SNX30: variants seen among roughly 807,000 people sequenced by gnomAD.
SNX30 encodes the protein sorting nexin family member 30.
In SNX30, 24 loss-of-function variants were observed where a neutral mutation model predicts 46.4. That is an observed-to-expected ratio of 0.52 (90% CI 0.37 to 0.73). SNX30 has a LOEUF of 0.73. SNX30 is among the 30% of genes least tolerant of loss of function. The pLI is 0.00. For synonymous variants in SNX30, 189 were observed against 211.5 expected (o/e 0.89, Z 0.92); for missense variants, 533 against 555.7 (o/e 0.96, Z 0.41).
intron 7 of SNX30, among the ~76,000 whole-genome samples, chr9:112,863,120 G>A (rs1841263290): frequency 1.3e-5 from 2 of 152,172 alleles, no homozygotes; most frequent in Admixed American, 1.3e-4. Context: ...TACCCTGAAG[G>A]TGTCCAGCTC....
At chr9:112,777,600 A>ATTTTTTTTTTTTTTTTTTTTTTTT (rs55784760) in intron 1 of SNX30, among the ~76,000 whole-genome samples, 1 of 75,592 alleles carries the variant, frequency 1.3e-5, no homozygotes, top group Non-Finnish European at 2.3e-5. Context: ...CTAGTTTTTA[A>ATTTTTTTTTTTTTTTTTTTTTTTT]TTTTTTTTTT....
At chr9:112,785,786 G>T (rs1270719182) in intron 1 of SNX30, among the ~76,000 whole-genome samples, 1 of 152,134 alleles carries the variant, frequency 6.6e-6, no homozygotes, top group South Asian at 2.1e-4. Context: ...TCCCACCTTG[G>T]CCTCCCAAAG....
Position 112,830,768 on chromosome 9 carries a change from T to C in SNX30, c.503T>C (p.Phe168Ser), listed in dbSNP as rs975618986. ...KFVVKGVVDR[F>S]SEEFVETRRK... Reference sequence around the variant, plus strand: ...GTGGTAAAAGGTGTTGTGGATCGTTTTTCAGAAGAGTTTGTGGAGACCAGA... The same window carrying C: ...GTGGTAAAAGGTGTTGTGGATCGTTCTTCAGAAGAGTTTGTGGAGACCAGA... Residue 168 changes from phenylalanine (F) to serine (S), a missense_variant, in exon 4 of 9, where the codon TTT becomes TCT. Phe to Ser is a radical substitution (Grantham distance 155). This residue lies in a region of SNX30 where 81 missense variants were observed against 124.4 expected (regional missense o/e 0.65). Transcript: ENST00000374232. 14 of 1,613,826 alleles carry C rather than the reference T, an allele frequency of 8.7e-6. No homozygotes were observed. The highest frequency in any genetic ancestry group is 1.2e-5 in the Non-Finnish European group (14 of 1,179,970).
Position 112,866,817 on chromosome 9 carries a change from C to T in SNX30, c.1255-1967C>T, listed in dbSNP as rs9969839. Among the ~76,000 whole-genome samples the T allele has an allele frequency of 6.0e-3, 852 of 142,236 alleles. 21 individuals carry two copies. Among genetic ancestry groups the T allele is most frequent in the African/African-American group, 0.022 (821 of 36,882 alleles). 93.3% of individuals were successfully genotyped at this position (142,236 alleles called of 152,430 possible). ...TCCTCCCCCTCCTCAGAACTCCCCCCATTAGAATTCCTCCCACCTCCTCAG... is the reference window on the plus strand; with the variant it reads ...TCCTCCCCCTCCTCAGAACTCCCCCTATTAGAATTCCTCCCACCTCCTCAG... On this transcript the variant is annotated intron_variant, in intron 8 of 8. Coordinates refer to ENST00000374232, the MANE Select transcript of SNX30 (RefSeq NM_001012994.2).
chr9:112,846,961 C>A (rs1840947827), intron 6 of SNX30, among the ~76,000 whole-genome samples: 1 of 152,184 alleles, frequency 6.6e-6, no homozygotes, highest in Admixed American at 6.5e-5. Context: ...GCTGTGCTTT[C>A]CCGTAGATGC....
At chr9:112,840,984 G>A (rs558726893) in intron 6 of SNX30, among the ~76,000 whole-genome samples, 133 of 151,180 alleles carry the variant, frequency 8.8e-4, no homozygotes, top group African/African-American at 2.9e-3. Flanking sequence ...GGATGGTCTC[G>A]ATCTCCTGAC....
chr9:112,806,436 C>T (rs1050769876), intron 2 of SNX30, among the ~76,000 whole-genome samples: 1 of 152,144 alleles, frequency 6.6e-6, no homozygotes, highest in Admixed American at 6.5e-5. Flanking sequence ...TTTTTGGAAC[C>T]TTTAATAGAT....
At chr9:112,771,548 G>T (rs1024504482) in intron 1 of SNX30, among the ~76,000 whole-genome samples, 1 of 152,198 alleles carries the variant, frequency 6.6e-6, no homozygotes, top group Non-Finnish European at 1.5e-5. Context: ...GCATTGCTGT[G>T]TCAGAAGGGT....
chr9:112,872,046 G>A lies in SNX30; in HGVS notation c.*3203G>A, dbSNP rs1250671920. On this transcript the variant is annotated 3_prime_UTR_variant, in exon 9 of 9. Coordinates refer to ENST00000374232, the MANE Select transcript of SNX30 (RefSeq NM_001012994.2). ...ACTCACCAGACACCTTTCTTTAGTT[G>A]AAATAAACCAGCATGACCTGGAGAT... The A allele has an allele frequency of 1.3e-5, 2 of 152,206 alleles. No homozygotes were observed. Among genetic ancestry groups the A allele is most frequent in the Admixed American group, 6.5e-5 (1 of 15,284 alleles). 9.4% of individuals were successfully genotyped at this position (152,206 alleles called of 1,614,324 possible). A position where few individuals can be genotyped will look rare whatever the true frequency, so the allele number is the denominator to read the frequency against.
intron 1 of SNX30, among the ~76,000 whole-genome samples, chr9:112,767,761 TTTTA>T (rs991513748): frequency 6.6e-6 from 1 of 151,704 alleles, no homozygotes; most frequent in Non-Finnish European, 1.5e-5. Flanking sequence ...AGCTAATTTT[TTTTA>T]TTTATTTATT....
At chr9:112,813,548 A>G (rs902143372) in intron 2 of SNX30, among the ~76,000 whole-genome samples, 1 of 147,840 alleles carries the variant, frequency 6.8e-6, no homozygotes, top group Non-Finnish European at 1.5e-5. Context: ...GGCTCAGTGT[A>G]ACCTCTGCCT....
chr9:112,876,807 G>A (rs557878371), downstream of SNX30, among the ~76,000 whole-genome samples: 28 of 152,210 alleles, frequency 1.8e-4, no homozygotes, highest in South Asian at 4.1e-3. Context: ...ATGGTGGTGC[G>A]TGCTTGTATT....
intron 3 of SNX30, among the ~76,000 whole-genome samples, chr9:112,829,923 A>G (rs1000097448): frequency 6.6e-6 from 1 of 152,104 alleles, no homozygotes; most frequent in African/African-American, 2.4e-5. Flanking sequence ...TTAGTTGCCT[A>G]TTTTTTAAAT....
chr9:112,828,659 A>G (rs1405227754), intron 3 of SNX30, among the ~76,000 whole-genome samples: 3 of 152,160 alleles, frequency 2.0e-5, no homozygotes, highest in South Asian at 2.1e-4. Context: ...TTGACAGGGA[A>G]CTTTGTCAAT....
At position 112,852,234 on chromosome 9, in the gene SNX30, G is replaced by A. The variant is rs975210655; in HGVS notation, c.1101+1289G>A. Among the ~76,000 whole-genome samples, 10 of 144,906 alleles carry A rather than the reference G, an allele frequency of 6.9e-5. No individual in the cohort carries two copies. In the East Asian group the frequency reaches 2.1e-3, roughly 30 times the overall value. On this transcript the variant is annotated intron_variant, in intron 7 of 8. Coordinates refer to ENST00000374232, the MANE Select transcript of SNX30 (RefSeq NM_001012994.2). ...TGGCCACTGCACCCCAGCCTGGGCA[G>A]CATAGGGAGACCCTATCTTAAAAAA...
intron 7 of SNX30, among the ~76,000 whole-genome samples, chr9:112,859,566 T>C (rs903459410): frequency 1.3e-5 from 2 of 152,240 alleles, no homozygotes; most frequent in Non-Finnish European, 2.9e-5. Flanking sequence ...TGTTTTACAA[T>C]CCACCAACAA....
Position 112,804,182 on chromosome 9 carries a change from T to A in SNX30, c.157-594T>A, listed in dbSNP as rs542591028. ...TCCGCAGAGGTTTGTTTTTTTTTTTTAAATGGAGTTTCGCTCTTGTTGCCC... is the reference window on the plus strand; with the variant it reads ...TCCGCAGAGGTTTGTTTTTTTTTTTAAAATGGAGTTTCGCTCTTGTTGCCC... On this transcript the variant is annotated intron_variant, in intron 1 of 8. Transcript: ENST00000374232. Among the ~76,000 whole-genome samples, 404 of 151,218 alleles carry A rather than the reference T, an allele frequency of 2.7e-3. 1 individual carries two copies. Among genetic ancestry groups the A allele is most frequent in the African/African-American group, 9.1e-3 (374 of 41,250 alleles).
intron 2 of SNX30, among the ~76,000 whole-genome samples, chr9:112,808,104 G>A (rs1463502628): frequency 6.6e-6 from 1 of 152,170 alleles, no homozygotes; most frequent in Non-Finnish European, 1.5e-5. Context: ...TTCTGAAGTT[G>A]TATTGACGGA....
chr9:112,830,437 T>C (rs938208949), intron 3 of SNX30, among the ~76,000 whole-genome samples: 7 of 152,072 alleles, frequency 4.6e-5, no homozygotes, highest in African/African-American at 1.7e-4. Flanking sequence ...ATATCACGTG[T>C]ACATCAAGCA....
Sources: allele counts gnomAD v4.1 joint callset (sites outside exome capture counted in the v4.1 genomes callset), GRCh38; gene constraint gnomAD v4.1.1; regional missense constraint gnomAD v4.1.1; transcripts MANE v1.5; gene names NCBI Gene and HGNC (gene_info 2026-07-23, HGNC 2026-07-21).